Variants in EXT1 observed in about 807,000 individuals in gnomAD.
The protein encoded by EXT1 is exostosin glycosyltransferase 1, also known as exostosin-1.
In EXT1, 20 loss-of-function variants were observed where a neutral mutation model predicts 82.5. The ratio of observed to expected loss-of-function variants is 0.24; its 90% CI spans 0.17 to 0.35. The LOEUF (loss-of-function observed/expected upper bound fraction) is 0.35, where lower values mean the gene tolerates loss of function less well. EXT1 is among the 10% of genes least tolerant of loss of function. The pLI, the probability that EXT1 is intolerant of heterozygous loss-of-function variation, is 1.00. For synonymous variants in EXT1, 348 were observed against 350.8 expected, an observed-to-expected ratio of 0.99 and a Z score of 0.09; for missense variants, 757 against 936.5, an observed-to-expected ratio of 0.81 and a Z score of 2.50.
At chr8:117,944,105 A>G (rs1311671795) in intron 1 of EXT1, among the ~76,000 whole-genome samples, 2 of 152,192 alleles carry the variant, frequency 1.3e-5, no homozygotes, top group Non-Finnish European at 2.9e-5. Flanking sequence ...AACTACTGTA[A>G]AAGAAGTGGA....
chr8:117,885,810 C>T (rs1813137860), intron 1 of EXT1, among the ~76,000 whole-genome samples: 1 of 152,144 alleles, frequency 6.6e-6, no homozygotes, highest in East Asian at 1.9e-4. Flanking sequence ...TCTCATATGT[C>T]ACTATAATCC....
At chr8:118,062,159 AT>A (rs1271875821) in intron 1 of EXT1, among the ~76,000 whole-genome samples, 2 of 152,130 alleles carry the variant, frequency 1.3e-5, no homozygotes, top group Non-Finnish European at 2.9e-5. Flanking sequence ...CTTTCTGGTC[AT>A]TATGGTTTCT....
chr8:117,834,980 G>C (rs763277695), intron 3 of EXT1, among the ~76,000 whole-genome samples: 1 of 152,064 alleles, frequency 6.6e-6, no homozygotes, highest in Non-Finnish European at 1.5e-5. Context: ...AAATCCTAAA[G>C]ATAACACTCG....
intron 1 of EXT1, among the ~76,000 whole-genome samples, chr8:117,948,085 T>A (rs1017786270): frequency 2.8e-4 from 43 of 152,178 alleles, no homozygotes; most frequent in African/African-American, 1.0e-3. Context: ...GTTTAATTTA[T>A]ATCCTACCTC....
chr8:117,958,394 G>A (rs961480423), intron 1 of EXT1, among the ~76,000 whole-genome samples: 6 of 152,070 alleles, frequency 3.9e-5, no homozygotes, highest in African/African-American at 7.2e-5. Context: ...TTGACTTCCC[G>A]AAAGAGCCAA....
At chr8:117,994,375 G>A (rs747306523) in intron 1 of EXT1, among the ~76,000 whole-genome samples, 10 of 152,190 alleles carry the variant, frequency 6.6e-5, no homozygotes, top group Admixed American at 2.6e-4. Flanking sequence ...ACTTTGGGAG[G>A]CTGAGCCAGA....
At chr8:117,851,640 C>G (rs1312739374) in intron 1 of EXT1, among the ~76,000 whole-genome samples, 1 of 151,838 alleles carries the variant, frequency 6.6e-6, no homozygotes, top group Admixed American at 6.6e-5. Context: ...CACACACACA[C>G]ACACACACAC....
At chr8:117,926,946 C>T (rs949643455) in intron 1 of EXT1, among the ~76,000 whole-genome samples, 9 of 152,092 alleles carry the variant, frequency 5.9e-5, no homozygotes, top group Non-Finnish European at 1.2e-4. Flanking sequence ...ATATTTCATC[C>T]GTCTCATCTC....
At chr8:118,062,879 CT>C (rs1338601043) in intron 1 of EXT1, among the ~76,000 whole-genome samples, 4 of 152,184 alleles carry the variant, frequency 2.6e-5, no homozygotes, top group Non-Finnish European at 5.9e-5. Context: ...GTCTTTGCTA[CT>C]CATCCTTCCC....
chr8:117,846,610 G>A (rs1206179615), intron 1 of EXT1, among the ~76,000 whole-genome samples: 5 of 152,222 alleles, frequency 3.3e-5, no homozygotes, highest in African/African-American at 2.4e-5. Context: ...AGCAGCAACA[G>A]TGAACTCAGA....
chr8:117,987,762 G>A (rs1046892924), intron 1 of EXT1, among the ~76,000 whole-genome samples: 1 of 152,220 alleles, frequency 6.6e-6, no homozygotes, highest in African/African-American at 2.4e-5. Flanking sequence ...GGAGAGAGTA[G>A]GTGAAGGATA....
chr8:117,855,374 T>C (rs1282688221), intron 1 of EXT1, among the ~76,000 whole-genome samples: 1 of 152,220 alleles, frequency 6.6e-6, no homozygotes, highest in Non-Finnish European at 1.5e-5. Flanking sequence ...ATTTTGGTAA[T>C]TCTCATAATA....
At position 118,099,996 on chromosome 8, in the gene EXT1, A is replaced by G. The variant is rs192826782; in HGVS notation, c.962+10089T>C. On this transcript the variant is annotated intron_variant, in intron 1 of 10. Transcript: ENST00000378204. ...CACCAAGTAAATCAAGAGTGGCAAC[A>G]TGACAGGGCAGTCGTTTCACTGACC... Among the ~76,000 whole-genome samples, 184 of 152,318 alleles carry G rather than the reference A, an allele frequency of 1.2e-3. 1 individual carries two copies. Among genetic ancestry groups the G allele is most frequent in the African/African-American group, 4.4e-3 (181 of 41,568 alleles).
At chr8:118,038,991 ATT>A (rs1203884468) in intron 1 of EXT1, among the ~76,000 whole-genome samples, 1 of 152,146 alleles carries the variant, frequency 6.6e-6, no homozygotes, top group African/African-American at 2.4e-5. Flanking sequence ...TTCCTATATT[ATT>A]TGTCTACCTT....
chr8:117,883,761 CT>C (rs1346182461), intron 1 of EXT1, among the ~76,000 whole-genome samples: 2 of 152,220 alleles, frequency 1.3e-5, no homozygotes, highest in African/African-American at 4.8e-5. Flanking sequence ...CTTTGTGTGG[CT>C]GTCTTTTCAG....
At chr8:117,870,962 G>T (rs1012723046) in intron 1 of EXT1, among the ~76,000 whole-genome samples, 2 of 152,076 alleles carry the variant, frequency 1.3e-5, no homozygotes, top group East Asian at 3.9e-4. Context: ...CTGCAGAAGG[G>T]TAAAGCAATA....
intron 1 of EXT1, among the ~76,000 whole-genome samples, chr8:118,024,521 T>TA (rs924601667): frequency 1.0e-4 from 13 of 127,972 alleles, no homozygotes; most frequent in Non-Finnish European, 1.4e-4. Context: ...AAAACAGCTT[T>TA]AAAAAAAAGA....
At chr8:117,974,745 G>A (rs913982004) in intron 1 of EXT1, among the ~76,000 whole-genome samples, 9 of 152,250 alleles carry the variant, frequency 5.9e-5, no homozygotes, top group African/African-American at 2.2e-4. Context: ...GGGATTACAG[G>A]CATGAGCCAC....
At chr8:117,896,738 T>C (rs1813345379) in intron 1 of EXT1, among the ~76,000 whole-genome samples, 1 of 152,180 alleles carries the variant, frequency 6.6e-6, no homozygotes, top group African/African-American at 2.4e-5. Context: ...GGGAGGTGGA[T>C]GGAGAACAGG....
Sources: gnomAD v4.1 joint callset for allele counts (sites outside exome capture counted in the v4.1 genomes callset) on GRCh38, gnomAD v4.1.1 for gene constraint, MANE v1.5 for transcripts, NCBI Gene and HGNC (gene_info 2026-07-23, HGNC 2026-07-21) for gene names.